The following CHN2 variants were observed in gnomAD, a reference collection of about 807,000 sequenced individuals.
CHN2 encodes beta-chimaerin.
A neutral mutation model predicts 56.3 loss-of-function variants in CHN2; 35 were observed. The ratio of observed to expected loss-of-function variants is 0.62; its 90% CI spans 0.47 to 0.82. The LOEUF (loss-of-function observed/expected upper bound fraction) is 0.82. CHN2 is among the 40% of genes least tolerant of loss of function. The probability of loss-of-function intolerance (pLI) is 0.00; values close to 1 mark genes in which losing one functional copy is unlikely to be tolerated. For missense variants in CHN2, 491 were observed against 580.5 expected, an observed-to-expected ratio of 0.85 and a Z score of 1.58; for synonymous variants, 210 against 212.8, an observed-to-expected ratio of 0.99 and a Z score of 0.12.
chr7:29,329,400 A>AG (rs1796045268), intron 1 of CHN2, among the ~76,000 whole-genome samples: 1 of 151,074 alleles, frequency 6.6e-6, no homozygotes, highest in African/African-American at 2.4e-5. Flanking sequence ...AAAAAAAAAA[A>AG]AAGTCAGCAA....
chr7:29,265,646 A>G (rs1388707662), intron 1 of CHN2, among the ~76,000 whole-genome samples: 1 of 152,150 alleles, frequency 6.6e-6, no homozygotes, highest in Non-Finnish European at 1.5e-5. Flanking sequence ...TGGAGGCAGG[A>G]GGCAGGCTTG....
intron 2 of CHN2, among the ~76,000 whole-genome samples, chr7:29,150,985 GA>G (rs1246636364): frequency 6.6e-6 from 1 of 152,206 alleles, no homozygotes. Context: ...TCCAGCTGAA[GA>G]AAGTCTACAG....
chr7:29,242,137 G>A (rs911204918), intron 1 of CHN2, among the ~76,000 whole-genome samples: 2 of 152,136 alleles, frequency 1.3e-5, no homozygotes, highest in African/African-American at 4.8e-5. Flanking sequence ...TTGTAGTTAA[G>A]CGACTTGCCC....
intron 1 of CHN2, among the ~76,000 whole-genome samples, chr7:29,230,809 G>C (rs556498672): frequency 1.3e-5 from 2 of 151,300 alleles, no homozygotes; most frequent in South Asian, 4.2e-4. Flanking sequence ...AATTTTTTTT[G>C]TGTCTTATCT....
intron 2 of CHN2, among the ~76,000 whole-genome samples, chr7:29,156,857 A>G (rs1794448265): frequency 6.6e-6 from 1 of 152,210 alleles, no homozygotes; most frequent in African/African-American, 2.4e-5. Context: ...TCTATCTAGC[A>G]AAATCTGCCT....
At chr7:29,254,017 G>C (rs1468186750) in intron 1 of CHN2, among the ~76,000 whole-genome samples, 2 of 152,176 alleles carry the variant, frequency 1.3e-5, no homozygotes, top group Non-Finnish European at 1.5e-5. Flanking sequence ...CGATTCTCCT[G>C]CCTCAGCCTC....
At chr7:29,295,594 TAAAA>T (rs1162920124) in intron 1 of CHN2, among the ~76,000 whole-genome samples, 1 of 151,626 alleles carries the variant, frequency 6.6e-6, no homozygotes, top group Non-Finnish European at 1.5e-5. Context: ...AAAAAAAAAT[TAAAA>T]AAGATGAGAG....
intron 6 of CHN2, among the ~76,000 whole-genome samples, chr7:29,402,546 C>G (rs1331795449): frequency 6.6e-6 from 1 of 152,188 alleles, no homozygotes; most frequent in African/African-American, 2.4e-5. Flanking sequence ...AGCCGACCTT[C>G]CCAGCCATGA....
chr7:29,376,565 C>T (rs1378194969), intron 3 of CHN2: 6 of 152,194 alleles, frequency 3.9e-5, no homozygotes, highest in African/African-American at 4.8e-5. Flanking sequence ...ATTCTGATGC[C>T]GCCTTGGGTG....
intron 6 of CHN2, among the ~76,000 whole-genome samples, chr7:29,457,476 A>G (rs1331467113): frequency 6.6e-6 from 1 of 152,156 alleles, no homozygotes; most frequent in East Asian, 1.9e-4. Context: ...CTGAGTGCTG[A>G]GCAGTACCTG....
chr7:29,388,382 CCCTT>C (rs1348121246), intron 3 of CHN2, among the ~76,000 whole-genome samples: 5 of 152,234 alleles, frequency 3.3e-5, no homozygotes, highest in Admixed American at 6.5e-5. Flanking sequence ...ATGGGCCTAA[CCCTT>C]CCTTCTATAC....
At chr7:29,443,513 G>A (rs1783822838) in intron 6 of CHN2, among the ~76,000 whole-genome samples, 1 of 152,044 alleles carries the variant, frequency 6.6e-6, no homozygotes, top group Non-Finnish European at 1.5e-5. Flanking sequence ...ACATGACTAT[G>A]TGTGTGTGTG....
intron 1 of CHN2, among the ~76,000 whole-genome samples, chr7:29,201,753 TA>T (rs1308186040): frequency 6.6e-6 from 1 of 152,228 alleles, no homozygotes; most frequent in Non-Finnish European, 1.5e-5. Context: ...TATCATTTTT[TA>T]CAGGAAATTC....
intron 6 of CHN2, among the ~76,000 whole-genome samples, chr7:29,444,582 A>T (rs1019078226): frequency 5.3e-5 from 8 of 152,196 alleles, no homozygotes; most frequent in African/African-American, 1.9e-4. Flanking sequence ...CAGCAGTTCA[A>T]CTTCTCTACA....
chr7:29,198,728 G>A (rs1783928303), intron 1 of CHN2, among the ~76,000 whole-genome samples: 1 of 152,076 alleles, frequency 6.6e-6, no homozygotes, highest in Non-Finnish European at 1.5e-5. Flanking sequence ...TAATAATCAT[G>A]GGTTACATTT....
chr7:29,423,745 TCTCCCCACTTCCCC>T (rs1158005608), intron 6 of CHN2, among the ~76,000 whole-genome samples: 1 of 152,246 alleles, frequency 6.6e-6, no homozygotes, highest in Admixed American at 6.5e-5. Flanking sequence ...AGGGATTCCC[TCTCCCCACTTCCCC>T]CTGGGCTTAC....
intron 2 of CHN2, among the ~76,000 whole-genome samples, chr7:29,359,600 A>G (rs1237067473): frequency 6.6e-6 from 1 of 152,184 alleles, no homozygotes; most frequent in African/African-American, 2.4e-5. Flanking sequence ...AGCTGTTTCC[A>G]TAAAATAATC....
At chr7:29,177,335 C>T (rs1385627727) in intron 2 of CHN2, among the ~76,000 whole-genome samples, 2 of 151,894 alleles carry the variant, frequency 1.3e-5, no homozygotes, top group Non-Finnish European at 2.9e-5. Context: ...CTCACTGCAA[C>T]CTCTGCCTCC....
Position 29,512,552 on chromosome 7 carries a change from T to C in CHN2, c.1236-12T>C. 1.2e-6 allele frequency: 2 copies of C among 1,607,798 alleles called. No homozygotes were observed. The highest frequency in any genetic ancestry group is 1.7e-6 in the Non-Finnish European group (2 of 1,176,956). ...CTCCATAATGTCTCTGTTCTATATG[T>C]TTGTTTTGCAGGGTTACTATGAATG... On this transcript the variant is annotated splice_polypyrimidine_tract_variant and intron_variant, in intron 12 of 12. Transcript: ENST00000222792.
Sources: allele counts gnomAD v4.1 joint callset (sites outside exome capture counted in the v4.1 genomes callset), GRCh38; gene constraint gnomAD v4.1.1; transcripts MANE v1.5; gene names NCBI Gene and HGNC (gene_info 2026-07-23, HGNC 2026-07-21).